The following XXYLT1 variants were observed in gnomAD, a reference collection of about 807,000 sequenced individuals.
XXYLT1 encodes xyloside xylosyltransferase 1.
In XXYLT1, 20 loss-of-function variants were observed where a neutral mutation model predicts 28.9. That is an observed-to-expected ratio of 0.69 (90% CI 0.49 to 1.00). XXYLT1 has a LOEUF of 1.00. Ranked by LOEUF, XXYLT1 falls within the 50% of genes least tolerant of loss-of-function variation. The probability of loss-of-function intolerance (pLI) is 0.00; values close to 1 mark genes in which losing one functional copy is unlikely to be tolerated. For synonymous variants in XXYLT1, 257 were observed against 253.8 expected, an observed-to-expected ratio of 1.01 and a Z score of -0.12; for missense variants, 542 against 560.1, an observed-to-expected ratio of 0.97 and a Z score of 0.33.
At position 195,240,453 on chromosome 3, in the gene XXYLT1, A is replaced by G. The variant is rs1163771760; in HGVS notation, c.505-13597T>C. 6.6e-6 allele frequency among the ~76,000 whole-genome samples: 1 copy of G among 152,228 alleles called. No individual in the cohort carries two copies. Among genetic ancestry groups the G allele is most frequent in the Non-Finnish European group, 1.5e-5 (1 of 68,036 alleles). On this transcript the variant is annotated intron_variant, in intron 1 of 3. Coordinates refer to ENST00000310380, the MANE Select transcript of XXYLT1 (RefSeq NM_152531.5). This position sits in a 1 kb window ranked among gnomAD's most constrained non-coding sequence, Gnocchi z 4.7. ...AAACTCAGGCCAAGCCTTTAGCTCC[A>G]TTTGGTGGAGAAAACTAATTTTATC...
intron 2 of XXYLT1, among the ~76,000 whole-genome samples, chr3:195,194,037 A>G (rs1722527560): frequency 6.6e-6 from 1 of 152,076 alleles, no homozygotes. Flanking sequence ...CCCTATCCAT[A>G]CAATAAAAAA....
At chr3:195,211,888 G>A (rs948496580) in intron 2 of XXYLT1, among the ~76,000 whole-genome samples, 2 of 141,568 alleles carry the variant, frequency 1.4e-5, no homozygotes, top group Non-Finnish European at 1.5e-5. Flanking sequence ...TGGAGGAGGA[G>A]AGGGGGCAAG....
At chr3:195,206,630 G>T (rs1419951043) in intron 2 of XXYLT1, among the ~76,000 whole-genome samples, 8 of 151,728 alleles carry the variant, frequency 5.3e-5, no homozygotes, top group Non-Finnish European at 1.0e-4. Flanking sequence ...TTAGCCGGGC[G>T]TGGTGGCACG....
intron 3 of XXYLT1, among the ~76,000 whole-genome samples, chr3:195,117,114 TAC>T (rs10633458): frequency 0.17 from 25,689 of 148,586 alleles, 2,483 homozygotes; most frequent in East Asian, 0.46. Context: ...ATATAGTGTA[TAC>T]ACACACACAC....
intron 3 of XXYLT1, among the ~76,000 whole-genome samples, chr3:195,154,823 C>T (rs1720473416): frequency 6.6e-6 from 1 of 152,366 alleles, no homozygotes; most frequent in African/African-American, 2.4e-5. Context: ...CTTGGTCTCT[C>T]ACTCTGCCTG....
intron 3 of XXYLT1, among the ~76,000 whole-genome samples, chr3:195,082,989 A>T (rs1474858843): frequency 6.6e-6 from 1 of 152,214 alleles, no homozygotes; most frequent in East Asian, 1.9e-4. Flanking sequence ...CAAACTTAAG[A>T]AGCCATGTCT....
At chr3:195,232,272 CT>C (rs564765625) in intron 1 of XXYLT1, among the ~76,000 whole-genome samples, 1 of 151,624 alleles carries the variant, frequency 6.6e-6, no homozygotes, top group Non-Finnish European at 1.5e-5. Flanking sequence ...GGTCTTCTCT[CT>C]TTTTTTTCTT....
intron 3 of XXYLT1, among the ~76,000 whole-genome samples, chr3:195,102,672 T>A (rs770361402): frequency 2.0e-5 from 3 of 152,214 alleles, no homozygotes; most frequent in South Asian, 2.1e-4. Context: ...TGTGTGTGTG[T>A]GTGTGTCTTG....
Position 195,150,655 on chromosome 3 carries a change from G to C in XXYLT1, c.785+5794C>G, listed in dbSNP as rs1423791571. On this transcript the variant is annotated intron_variant, in intron 3 of 3. Coordinates refer to ENST00000310380, the MANE Select transcript of XXYLT1 (RefSeq NM_152531.5). This position sits in a 1 kb window ranked among gnomAD's most constrained non-coding sequence, Gnocchi z 4.7. Reference sequence around the variant, plus strand: ...CTCACACAGCACACGGCTGCCCGCAGAGCCTGGGGAGAATGAAACCGGAAG... The same window carrying C: ...CTCACACAGCACACGGCTGCCCGCACAGCCTGGGGAGAATGAAACCGGAAG... 6.6e-6 allele frequency among the ~76,000 whole-genome samples: 1 copy of C among 152,156 alleles called. No individual in the cohort carries two copies. Among genetic ancestry groups the C allele is most frequent in the Non-Finnish European group, 1.5e-5 (1 of 68,028 alleles).
intron 3 of XXYLT1, among the ~76,000 whole-genome samples, chr3:195,134,828 T>TAG (rs1491227831): frequency 1.2e-4 from 2 of 16,330 alleles, no homozygotes; most frequent in Admixed American, 1.5e-3. Flanking sequence ...TGAAGAGGGG[T>TAG]GTGTGTGTGT....
At position 195,240,521 on chromosome 3, in the gene XXYLT1, T is replaced by C. The variant is rs935750797; in HGVS notation, c.505-13665A>G. ...GGGAGTCAGGTCGCAGCCACACTCC[T>C]GAGCCAAGAAGGCACGTGGCAAGGG... On this transcript the variant is annotated intron_variant, in intron 1 of 3. Coordinates refer to ENST00000310380, the MANE Select transcript of XXYLT1 (RefSeq NM_152531.5). This position sits in a 1 kb window ranked among gnomAD's most constrained non-coding sequence, Gnocchi z 4.7. Among the ~76,000 whole-genome samples, 4 of 152,230 alleles carry C rather than the reference T, an allele frequency of 2.6e-5. No individual in the cohort carries two copies. Among genetic ancestry groups the C allele is most frequent in the Admixed American group, 6.5e-5 (1 of 15,290 alleles).
chr3:195,251,915 C>T (rs548962821), intron 1 of XXYLT1, among the ~76,000 whole-genome samples: 1 of 152,290 alleles, frequency 6.6e-6, no homozygotes, highest in East Asian at 1.9e-4. Flanking sequence ...GCACATTGTT[C>T]GCCTGGGTGT....
At chr3:195,147,475 C>T (rs1254357048) in intron 3 of XXYLT1, among the ~76,000 whole-genome samples, 1 of 152,162 alleles carries the variant, frequency 6.6e-6, no homozygotes, top group Non-Finnish European at 1.5e-5. Flanking sequence ...GAGGCTGAGG[C>T]AGGAGAATCG....
chr3:195,138,684 G>A (rs552140532), intron 3 of XXYLT1, among the ~76,000 whole-genome samples: 10 of 151,958 alleles, frequency 6.6e-5, no homozygotes, highest in Admixed American at 4.6e-4. Flanking sequence ...GTGAAACCCC[G>A]TCTCTACTAA....
In XXYLT1 at chr3:195,240,536, C is replaced by T. The variant is rs540837433; in HGVS notation, c.505-13680G>A. On this transcript the variant is annotated intron_variant, in intron 1 of 3. Coordinates refer to ENST00000310380, the MANE Select transcript of XXYLT1 (RefSeq NM_152531.5). The surrounding 1 kb of genome is among the most constrained non-coding windows in gnomAD (Gnocchi z 4.7). The stretch of plus-strand genomic sequence containing the variant: ...GCCACACTCCTGAGCCAAGAAGGCA[C>T]GTGGCAAGGGCTGGCCCCACGCACG... 1.3e-5 allele frequency among the ~76,000 whole-genome samples: 2 copies of T among 152,382 alleles called. No homozygotes were observed. Among genetic ancestry groups the T allele is most frequent in the East Asian group, 1.9e-4 (1 of 5,194 alleles).
Position 195,271,112 on chromosome 3 carries a change from T to G in XXYLT1, c.-54A>C. On this transcript the variant is annotated 5_prime_UTR_variant, in exon 1 of 4. Transcript: ENST00000310380. ...CCAGCAACGCGGGAGAGCCCTCGGG[T>G]ACCCGGACGCCGGCGGCCACTTAGC... 7.8e-7 allele frequency: 1 copy of G among 1,277,622 alleles called. No individual in the cohort carries two copies. The highest frequency in any genetic ancestry group is 2.5e-5 in the South Asian group (1 of 39,438). The allele number at this position is 1,277,622 out of a possible 1,614,324, so 79.1% of individuals were successfully genotyped here.
At position 195,180,654 on chromosome 3, in the gene XXYLT1, A is replaced by C. The variant is rs2108736301; in HGVS notation, c.653-24073T>G. The C allele has an allele frequency of 1.6e-6, 1 of 609,048 alleles. No homozygotes were observed. Among genetic ancestry groups the C allele is most frequent in the African/African-American group, 2.0e-5 (1 of 50,040 alleles). The allele number at this position is 609,048 out of a possible 1,614,324, so 37.7% of individuals were successfully genotyped here. A position where few individuals can be genotyped will look rare whatever the true frequency, so the allele number is the denominator to read the frequency against. On this transcript the variant is annotated intron_variant, in intron 2 of 3. Transcript: ENST00000310380. The surrounding 1 kb of genome is among the most constrained non-coding windows in gnomAD (Gnocchi z 5.8). ...GGCGGTGGCTGGAGCACCCCGTGCC[A>C]CTGCAAACGTGACCAGGAACATGGG... is the stretch of plus-strand genomic sequence containing the variant.
chr3:195,212,548 C>T (rs1723369081), intron 2 of XXYLT1, among the ~76,000 whole-genome samples: 1 of 152,132 alleles, frequency 6.6e-6, no homozygotes, highest in Non-Finnish European at 1.5e-5. Flanking sequence ...GCACAGCAGG[C>T]GGTGGGAGGC....
intron 1 of XXYLT1, among the ~76,000 whole-genome samples, chr3:195,268,516 C>T (rs1279097055): frequency 1.3e-5 from 2 of 151,126 alleles, no homozygotes; most frequent in Non-Finnish European, 2.9e-5. Context: ...CAGAATCGCT[C>T]GAACCCAGGA....
Sources: allele counts gnomAD v4.1 joint callset (sites outside exome capture counted in the v4.1 genomes callset), GRCh38; gene constraint gnomAD v4.1.1; non-coding constraint Gnocchi (gnomAD v3.1); transcripts MANE v1.5; gene names NCBI Gene and HGNC (gene_info 2026-07-23, HGNC 2026-07-21).